Variants in CCDC171 observed in about 807,000 individuals in gnomAD.
CCDC171 encodes the protein coiled-coil domain-containing protein 171.
Under a neutral mutation model 168.2 loss-of-function variants are expected in CCDC171, and 177 were observed. The ratio of observed to expected loss-of-function variants is 1.05; its 90% CI spans 0.93 to 1.19. The LOEUF (loss-of-function observed/expected upper bound fraction) is 1.19, where lower values mean the gene tolerates loss of function less well. Ranked by LOEUF, CCDC171 falls within the 50% of genes most tolerant of loss-of-function variation. The probability of loss-of-function intolerance (pLI) is 0.00; values close to 1 mark genes in which losing one functional copy is unlikely to be tolerated. For missense variants in CCDC171, 1,991 were observed against 1,539.0 expected (o/e 1.29, Z -4.91); for synonymous variants, 687 against 540.8 (o/e 1.27, Z -3.75).
chr9:15,608,995 A>G (rs1450365705), intron 6 of CCDC171, among the ~76,000 whole-genome samples: 5 of 143,472 alleles, frequency 3.5e-5, no homozygotes, highest in Non-Finnish European at 6.1e-5. Flanking sequence ...TTTAAAAAAT[A>G]TATTTAGTAA....
Position 15,571,770 on chromosome 9 carries a change from T to G in CCDC171, c.177+11T>G. 6.4e-7 allele frequency: 1 copy of G among 1,563,146 alleles called. No homozygotes were observed. Among genetic ancestry groups the G allele is most frequent in the East Asian group, 2.4e-5 (1 of 42,270 alleles). On this transcript the variant is annotated intron_variant, in intron 3 of 25. Coordinates refer to ENST00000380701, the MANE Select transcript of CCDC171 (RefSeq NM_173550.4). Reference sequence around the variant, plus strand: ...AAACACAATGCAGAGGTACGATTTATTTTCCTCTCAAATAATGTTAAAAGT... The same window carrying G: ...AAACACAATGCAGAGGTACGATTTAGTTTCCTCTCAAATAATGTTAAAAGT...
chr9:16,010,739 AAC>A (rs1832845846), intron 3 of CCDC171, among the ~76,000 whole-genome samples: 1 of 86,078 alleles, frequency 1.2e-5, no homozygotes, highest in Non-Finnish European at 2.4e-5. Context: ...TTCCAAGGTC[AAC>A]AGTTTATTAA....
At chr9:15,751,128 G>A (rs199749306) in intron 18 of CCDC171, among the ~76,000 whole-genome samples, 3 of 152,060 alleles carry the variant, frequency 2.0e-5, no homozygotes, top group Non-Finnish European at 4.4e-5. Flanking sequence ...CTATACACCA[G>A]TAACAGTCCA....
intron 21 of CCDC171, among the ~76,000 whole-genome samples, chr9:15,823,295 GCACT>G (rs979675337): frequency 3.3e-5 from 5 of 151,870 alleles, no homozygotes; most frequent in African/African-American, 1.2e-4. Context: ...TTCACGTTGT[GCACT>G]TGTACCCTAA....
chr9:15,856,550 A>G (rs2061355920), intron 23 of CCDC171, among the ~76,000 whole-genome samples: 1 of 151,810 alleles, frequency 6.6e-6, no homozygotes, highest in African/African-American at 2.4e-5. Context: ...TCCTTTGAAA[A>G]CCTGAGTAAT....
chr9:15,654,599 A>T (rs2047776996), intron 7 of CCDC171, among the ~76,000 whole-genome samples: 1 of 152,206 alleles, frequency 6.6e-6, no homozygotes, highest in African/African-American at 2.4e-5. Flanking sequence ...TGTAAACAAA[A>T]AGAAATGGTG....
chr9:15,944,124 C>T (rs920939118), intron 25 of CCDC171, among the ~76,000 whole-genome samples: 2 of 152,014 alleles, frequency 1.3e-5, no homozygotes, highest in African/African-American at 4.8e-5. Flanking sequence ...CATACCCTTA[C>T]AGGTTTTTTT....
the CCDC171 span, among the ~76,000 whole-genome samples, chr9:16,092,475 T>C: frequency 6.6e-6 from 1 of 152,212 alleles, no homozygotes; most frequent in East Asian, 1.9e-4. Flanking sequence ...GTGATGCTTC[T>C]GCTCCACTTC....
intron 6 of CCDC171, among the ~76,000 whole-genome samples, chr9:15,607,177 C>G (rs2043289977): frequency 6.6e-6 from 1 of 152,080 alleles, no homozygotes; most frequent in South Asian, 2.1e-4. Context: ...CAATATAACC[C>G]AGCAATACCA....
chr9:15,939,697 C>T (rs901163811), intron 25 of CCDC171, among the ~76,000 whole-genome samples: 2 of 151,796 alleles, frequency 1.3e-5, no homozygotes, highest in Admixed American at 1.3e-4. Context: ...AATAACTTTA[C>T]TTTTATGTCA....
At chr9:15,672,419 C>G (rs900061097) in intron 9 of CCDC171, among the ~76,000 whole-genome samples, 1 of 152,148 alleles carries the variant, frequency 6.6e-6, no homozygotes, top group Non-Finnish European at 1.5e-5. Flanking sequence ...GTCATGAAGT[C>G]TTTGCTCATG....
chr9:15,998,508 G>T (rs1328269), intron 3 of CCDC171, among the ~76,000 whole-genome samples: 71,619 of 152,014 alleles, frequency 0.47, 17,603 homozygotes, highest in African/African-American at 0.62. Context: ...GAGTCCATAC[G>T]CAGATTGTCT....
In CCDC171 at chr9:15,564,123, C is replaced by G; in HGVS notation, c.35C>G (p.Thr12Ser). The G allele has an allele frequency of 1.2e-6, 2 of 1,607,614 alleles. No individual in the cohort carries two copies. The highest frequency in any genetic ancestry group is 1.7e-6 in the Non-Finnish European group (2 of 1,176,616). ...NLNTSSNTGD[T>S]QRLKIASLDV... is the part of the protein sequence containing the mutation. ...AATACTTCAAGTAATACTGGTGATA[C>G]CCAAAGGTAAGCCTCTAGTCTCTTC... is the stretch of plus-strand genomic sequence containing the variant. The change falls in exon 2 of 26, where the codon ACC (threonine) becomes AGC (serine). Residue 12 changes from threonine to serine, a missense_variant. Physicochemically the swap from Thr to Ser is moderately conservative, Grantham distance 58 (BLOSUM62 1). Coordinates refer to ENST00000380701, the MANE Select transcript of CCDC171 (RefSeq NM_173550.4).
intron 23 of CCDC171, among the ~76,000 whole-genome samples, chr9:15,869,202 G>T (rs1416963052): frequency 3.9e-5 from 6 of 152,006 alleles, no homozygotes; most frequent in Admixed American, 1.3e-4. Context: ...ACTTTTGGAG[G>T]TACTAATTGT....
intron 4 of CCDC171, among the ~76,000 whole-genome samples, chr9:15,582,726 G>C (rs1439466280): frequency 2.6e-5 from 4 of 151,604 alleles, no homozygotes. Flanking sequence ...AGTGGGAGTT[G>C]AACAGTGAGA....
At chr9:15,610,469 A>AAAAAAAAAAAC (rs2043587733) in intron 6 of CCDC171, among the ~76,000 whole-genome samples, 1 of 136,272 alleles carries the variant, frequency 7.3e-6, no homozygotes, top group Non-Finnish European at 1.6e-5. Context: ...AAAAAAAAAA[A>AAAAAAAAAAAC]AAAAAAAAAA....
intron 2 of CCDC171, among the ~76,000 whole-genome samples, chr9:15,568,266 TC>T (rs2039911968): frequency 6.7e-6 from 1 of 148,352 alleles, no homozygotes; most frequent in African/African-American, 2.5e-5. Flanking sequence ...CTCCAATACA[TC>T]TTTTTTTTTT....
intron 12 of CCDC171, among the ~76,000 whole-genome samples, chr9:15,723,228 C>G (rs965799453): frequency 6.6e-6 from 1 of 152,068 alleles, no homozygotes; most frequent in South Asian, 2.1e-4. Context: ...TGTGACCGAC[C>G]CTGAAGTTGT....
intron 23 of CCDC171, among the ~76,000 whole-genome samples, chr9:15,867,810 T>C (rs920901850): frequency 3.3e-5 from 5 of 152,100 alleles, no homozygotes; most frequent in African/African-American, 4.8e-5. Context: ...TGAAAATATA[T>C]CTGTGTGGAT....
Sources: allele counts gnomAD v4.1 joint callset (sites outside exome capture counted in the v4.1 genomes callset), GRCh38; gene constraint gnomAD v4.1.1; transcripts MANE v1.5; gene names NCBI Gene and HGNC (gene_info 2026-07-23, HGNC 2026-07-21).